Variants in TNS1 observed in about 807,000 individuals in gnomAD.
The protein encoded by TNS1 is tensin 1, also known as tensin-1.
In TNS1, 62 loss-of-function variants were observed where a neutral mutation model predicts 168.6. That is an observed-to-expected ratio of 0.37 (90% CI 0.30 to 0.45). The LOEUF is 0.45. Among genes scored for constraint, TNS1 ranks in the 20% least tolerant of loss-of-function variants. The pLI is 1.00. For missense variants in TNS1, 2,240 were observed against 2,339.4 expected (o/e 0.96, Z 0.88); for synonymous variants, 934 against 933.2 (o/e 1.00, Z -0.02).
At chr2:217,884,514 C>T (rs1219384189) in intron 16 of TNS1, among the ~76,000 whole-genome samples, 1 of 152,162 alleles carries the variant, frequency 6.6e-6, no homozygotes, top group South Asian at 2.1e-4. Flanking sequence ...GAAAATGGTT[C>T]CCCCTTGCTG....
intron 3 of TNS1, among the ~76,000 whole-genome samples, chr2:217,920,552 TAAG>T (rs1233946199): frequency 4.1e-5 from 6 of 147,054 alleles, no homozygotes; most frequent in South Asian, 2.1e-4. Context: ...CTTCAGGTAA[TAAG>T]AAGAAGGATT....
At chr2:217,921,258 T>C (rs1026895118) in intron 3 of TNS1, among the ~76,000 whole-genome samples, 4 of 152,144 alleles carry the variant, frequency 2.6e-5, no homozygotes, top group African/African-American at 9.7e-5. Context: ...GGGCCCACAG[T>C]GGGCACAGAG....
At chr2:217,925,458 C>T (rs1242554063) in intron 3 of TNS1, among the ~76,000 whole-genome samples, 1 of 152,116 alleles carries the variant, frequency 6.6e-6, no homozygotes, top group Admixed American at 6.6e-5. Context: ...TAAGCTTGCC[C>T]AGCCCTCCAA....
chr2:217,874,837 A>G (rs1168070464), intron 18 of TNS1, among the ~76,000 whole-genome samples: 1 of 152,238 alleles, frequency 6.6e-6, no homozygotes, highest in South Asian at 2.1e-4. Flanking sequence ...TTTTACAATT[A>G]AGACATTTGG....
rs1946898274 is a variant in TNS1, at chr2:217,847,963, G to A, written c.2554C>T (p.Pro852Ser). Residue 852 changes from proline (P) to serine (S), a missense_variant, in exon 19 of 33, where the codon CCA becomes TCA. Pro to Ser is a moderately conservative substitution (Grantham distance 74, BLOSUM62 -1). Around this residue, in one of 2 missense-constraint regions of TNS1, gnomAD observed 2,131 missense variants for 2,171.2 expected, o/e 0.98. Coordinates refer to ENST00000682258, the MANE Select transcript of TNS1 (RefSeq NM_001387777.1). ...GGGACACTCTGGGACTTGTGTAGTG[G>A]GGCAGCAGCGGAGGCTGGCTCCAGG... ...LDLEPASAAAPLHKSQSVPGA... is the reference protein window; with the variant it reads ...LDLEPASAAASLHKSQSVPGA... 1 of 1,509,422 alleles carries A rather than the reference G, an allele frequency of 6.6e-7. No homozygotes were observed. Among genetic ancestry groups the A allele is most frequent in the Non-Finnish European group, 8.9e-7 (1 of 1,126,332 alleles). The allele number at this position is 1,509,422 out of a possible 1,614,324, so 93.5% of individuals were successfully genotyped here. A position where few individuals can be genotyped will look rare whatever the true frequency, so the allele number is the denominator to read the frequency against.
rs1451546947 is a variant in TNS1 at position 217,942,791 on chromosome 2, T to C, written c.187-22555A>G. ...ACAACCGCCTGCCTGCCTGCCCTCC[T>C]CCTCCATCTCCTCCCCACCCAGCAC... On this transcript the variant is annotated intron_variant, in intron 3 of 32. Coordinates refer to ENST00000682258, the MANE Select transcript of TNS1 (RefSeq NM_001387777.1). 6.0e-5 allele frequency among the ~76,000 whole-genome samples: 9 copies of C among 149,064 alleles called. No individual in the cohort carries two copies. The East Asian group carries it at 1.2e-3, about 20-fold the overall frequency.
intron 2 of TNS1, chr2:217,985,637 G>A (rs540763448): frequency 5.9e-5 from 9 of 152,138 alleles, no homozygotes; most frequent in African/African-American, 2.2e-4. Context: ...GGTCAGGCTG[G>A]TCTCAAATTC....
Position 217,848,405 on chromosome 2 carries a change from C to A in TNS1, c.2112G>T (p.Arg704=). 1 of 1,589,604 alleles carries A rather than the reference C, an allele frequency of 6.3e-7. No individual in the cohort carries two copies. The highest frequency in any genetic ancestry group is 8.6e-7 in the Non-Finnish European group (1 of 1,166,798). ...PAHAGHTAPM[R]PSYSAQEGLA... Reference sequence around the variant, plus strand: ...AACCCTCCTGTGCAGAGTAGGAGGGCCGCATGGGGGCCGTGTGGCCAGCAT... The same window carrying A: ...AACCCTCCTGTGCAGAGTAGGAGGGACGCATGGGGGCCGTGTGGCCAGCAT... The change falls in exon 19 of 33, where the codon CGG becomes CGT. Residue 704 remains arginine, a synonymous_variant. Transcript: ENST00000682258.
chr2:218,012,642 A>C (rs1574480902), upstream of TNS1, among the ~76,000 whole-genome samples: 6 of 148,960 alleles, frequency 4.0e-5, no homozygotes, highest in South Asian at 2.1e-4. Flanking sequence ...CTGGCCCCCC[A>C]CCCCCCATAC....
chr2:217,977,211 CA>C lies in TNS1; in HGVS notation c.186+1553del, dbSNP rs1211559882. ...AACTGGAAAGTTCTGGAGTTTAAGG[CA>C]AAAAACTCTGCTCTGGATAAACAGA... is the stretch of plus-strand genomic sequence containing the variant. On this transcript the variant is annotated intron_variant, in intron 3 of 32. Coordinates refer to ENST00000682258, the MANE Select transcript of TNS1 (RefSeq NM_001387777.1). 3.9e-5 allele frequency among the ~76,000 whole-genome samples: 6 copies of C among 152,086 alleles called. No homozygotes were observed. The South Asian group carries it at 1.2e-3, about 32-fold the overall frequency.
chr2:217,850,584 C>CAT, intron 18 of TNS1: 1 of 270,686 alleles, frequency 3.7e-6, no homozygotes, highest in African/African-American at 5.5e-5. Context: ...CCCCGACAGA[C>CAT]ACACACACAC....
At chr2:217,973,948 C>A (rs113024573) in intron 3 of TNS1, among the ~76,000 whole-genome samples, 2,290 of 152,252 alleles carry the variant, frequency 0.015, 65 homozygotes, top group African/African-American at 0.052. Flanking sequence ...TACAACATAG[C>A]AATTAAAAAG....
chr2:217,904,344 C>T (rs1953400168), intron 6 of TNS1, among the ~76,000 whole-genome samples: 1 of 152,226 alleles, frequency 6.6e-6, no homozygotes, highest in Non-Finnish European at 1.5e-5. Flanking sequence ...CAAACAGCCA[C>T]ATTATCACAG....
intron 6 of TNS1, among the ~76,000 whole-genome samples, chr2:217,904,897 TC>T (rs1481522610): frequency 6.6e-6 from 1 of 152,090 alleles, no homozygotes; most frequent in Non-Finnish European, 1.5e-5. Context: ...CATCACCCTG[TC>T]CCCTTGCCAA....
At chr2:217,821,708 C>T (rs1414771638) in intron 23 of TNS1, 32 bp downstream of exon 23, 9 of 1,407,378 alleles carry the variant, frequency 6.4e-6, no homozygotes, top group African/African-American at 1.5e-5. Context: ...CCCGGATTCC[C>T]ATCCCCCACC....
At chr2:217,883,007 G>A (rs1308078763) in intron 16 of TNS1, among the ~76,000 whole-genome samples, 2 of 152,110 alleles carry the variant, frequency 1.3e-5, no homozygotes, top group African/African-American at 2.4e-5. Context: ...TGTTGCTGAG[G>A]CTGGTCTCAA....
chr2:217,966,206 A>C (rs1000931677), intron 3 of TNS1, among the ~76,000 whole-genome samples: 1 of 151,994 alleles, frequency 6.6e-6, no homozygotes, highest in African/African-American at 2.4e-5. Context: ...ATGAGAAGCC[A>C]GTCACAGCTC....
intron 3 of TNS1, among the ~76,000 whole-genome samples, chr2:217,965,773 AC>A (rs897802740): frequency 2.6e-5 from 4 of 151,634 alleles, no homozygotes; most frequent in African/African-American, 4.9e-5. Flanking sequence ...GGCACCACAG[AC>A]CCCCCGAGCT....
chr2:217,892,805 G>A (rs1443899621), intron 11 of TNS1, 143 bp downstream of exon 11: 1 of 877,166 alleles, frequency 1.1e-6, no homozygotes, highest in Non-Finnish European at 1.7e-6. Context: ...CAGAGCCAGG[G>A]GCCCCTTCCC....
Sources: gnomAD v4.1 joint callset for allele counts (sites outside exome capture counted in the v4.1 genomes callset) on GRCh38, gnomAD v4.1.1 for gene constraint, gnomAD v4.1.1 regional missense constraint, MANE v1.5 for transcripts, NCBI Gene and HGNC (gene_info 2026-07-23, HGNC 2026-07-21) for gene names.